The following BICRAL variants were observed in gnomAD, a reference collection of about 807,000 sequenced individuals.
BICRAL encodes BICRA like chromatin remodeling complex associated protein.
BICRAL carries 8 observed loss-of-function variants against 91.8 expected under a neutral mutation model. The ratio of observed to expected loss-of-function variants is 0.09; its 90% confidence interval spans 0.05 to 0.16. The LOEUF (loss-of-function observed/expected upper bound fraction) is 0.16, where lower values mean the gene tolerates loss of function less well. BICRAL is among the 10% of genes least tolerant of loss of function. The probability of loss-of-function intolerance (pLI) is 1.00; values close to 1 mark genes in which losing one functional copy is unlikely to be tolerated. For missense variants in BICRAL, 1,038 were observed against 1,310.9 expected (o/e 0.79, Z 3.21); for synonymous variants, 445 against 491.1 (o/e 0.91, Z 1.24).
intron 1 of BICRAL, among the ~76,000 whole-genome samples, chr6:42,802,206 C>G (rs1222275056): frequency 6.6e-6 from 1 of 151,798 alleles, no homozygotes; most frequent in African/African-American, 2.4e-5. Context: ...CATGTTCATG[C>G]CATCGTACTC....
intron 1 of BICRAL, among the ~76,000 whole-genome samples, chr6:42,757,698 A>T (rs1306957813): frequency 2.0e-5 from 3 of 152,084 alleles, no homozygotes; most frequent in African/African-American, 7.2e-5. Flanking sequence ...GTTAACTCTT[A>T]TGTGGCATTT....
chr6:42,848,039 G>A (rs1243151515), intron 6 of BICRAL, among the ~76,000 whole-genome samples: 8 of 152,048 alleles, frequency 5.3e-5, no homozygotes, highest in African/African-American at 1.7e-4. Context: ...TGAGGCAGGA[G>A]AACGGCGTGA....
intron 1 of BICRAL, among the ~76,000 whole-genome samples, chr6:42,750,492 G>A (rs66839624): frequency 0.12 from 18,803 of 151,948 alleles, 1,230 homozygotes; most frequent in Admixed American, 0.16. Flanking sequence ...CCACATTGCC[G>A]TCACCACACT....
chr6:42,846,391 T>TTAAATAAA (rs71547817), intron 6 of BICRAL, among the ~76,000 whole-genome samples: 10,686 of 150,926 alleles, frequency 0.071, 666 homozygotes, highest in African/African-American at 0.17. Context: ...AAACAATAAG[T>TTAAATAAA]TAAATAAATA....
At chr6:42,770,555 C>T (rs567372504) in intron 1 of BICRAL, among the ~76,000 whole-genome samples, 1 of 151,982 alleles carries the variant, frequency 6.6e-6, no homozygotes, top group South Asian at 2.1e-4. Flanking sequence ...GCTGGGATTA[C>T]AGGCACCTGC....
At chr6:42,860,651 C>G (rs1209689609) in intron 11 of BICRAL, among the ~76,000 whole-genome samples, 1 of 152,148 alleles carries the variant, frequency 6.6e-6, no homozygotes, top group Non-Finnish European at 1.5e-5. Flanking sequence ...TAGCAGAGCT[C>G]GGATACGAGC....
At chr6:42,860,004 G>A (rs536776540) in intron 10 of BICRAL, among the ~76,000 whole-genome samples, 1 of 152,118 alleles carries the variant, frequency 6.6e-6, no homozygotes, top group Non-Finnish European at 1.5e-5. Context: ...TGATATCAAA[G>A]TAATTATGTT....
At chr6:42,767,162 AAGAG>A (rs1265739977) in intron 1 of BICRAL, among the ~76,000 whole-genome samples, 2 of 152,174 alleles carry the variant, frequency 1.3e-5, no homozygotes, top group Non-Finnish European at 2.9e-5. Context: ...CAAAGAAAGA[AAGAG>A]AAAGAAAAGA....
intron 1 of BICRAL, among the ~76,000 whole-genome samples, chr6:42,783,809 C>G (rs901923566): frequency 6.6e-6 from 1 of 152,230 alleles, no homozygotes; most frequent in East Asian, 1.9e-4. Flanking sequence ...ACCCCCACTC[C>G]TCCCAGTCGA....
intron 7 of BICRAL, among the ~76,000 whole-genome samples, chr6:42,853,064 CAAA>C (rs35328845): frequency 1.4e-4 from 14 of 97,702 alleles, no homozygotes; most frequent in Admixed American, 2.3e-4. Flanking sequence ...GACCTTGTCT[CAAA>C]AAAAAAAAAA....
chr6:42,790,026 G>A (rs1763222170), intron 1 of BICRAL, among the ~76,000 whole-genome samples: 1 of 114,522 alleles, frequency 8.7e-6, no homozygotes, highest in South Asian at 3.1e-4. Context: ...CACTAGTAGA[G>A]GGATCTGTGA....
chr6:42,752,593 C>T (rs1209302778), intron 1 of BICRAL, among the ~76,000 whole-genome samples: 1 of 151,862 alleles, frequency 6.6e-6, no homozygotes, highest in Non-Finnish European at 1.5e-5. Context: ...ACTACAGATG[C>T]ATGCCACCGT....
At chr6:42,783,256 C>T (rs914344249) in intron 1 of BICRAL, among the ~76,000 whole-genome samples, 4 of 151,888 alleles carry the variant, frequency 2.6e-5, no homozygotes, top group African/African-American at 9.7e-5. Flanking sequence ...CCGGCCGAGC[C>T]CCCAGCCGCG....
intron 1 of BICRAL, among the ~76,000 whole-genome samples, chr6:42,801,831 C>T (rs968824249): frequency 6.6e-6 from 1 of 151,774 alleles, no homozygotes; most frequent in Non-Finnish European, 1.5e-5. Flanking sequence ...TGCAGTGAGC[C>T]GAGATCACGC....
chr6:42,774,159 G>A (rs1292553468), intron 1 of BICRAL, among the ~76,000 whole-genome samples: 1 of 152,174 alleles, frequency 6.6e-6, no homozygotes, highest in Non-Finnish European at 1.5e-5. Flanking sequence ...GGACTGAAAA[G>A]ATAGGGGTTT....
chr6:42,784,781 A>G (rs1353552726), intron 1 of BICRAL, among the ~76,000 whole-genome samples: 1 of 152,186 alleles, frequency 6.6e-6, no homozygotes, highest in African/African-American at 2.4e-5. Flanking sequence ...TTGTAACATC[A>G]CCTCTTCCAC....
At chr6:42,845,248 T>TTTTA (rs761742281) in intron 6 of BICRAL, among the ~76,000 whole-genome samples, 14 of 105,456 alleles carry the variant, frequency 1.3e-4, no homozygotes, top group Admixed American at 2.3e-4. Flanking sequence ...TTTTTTTTTT[T>TTTTA]AGACAGAGTT....
chr6:42,867,293 T>G lies in BICRAL; in HGVS notation c.*1847T>G, dbSNP rs1273845411. On this transcript the variant is annotated 3_prime_UTR_variant, in exon 13 of 13. Coordinates refer to ENST00000314073, the MANE Select transcript of BICRAL (RefSeq NM_001393499.1). ...CCAGTCTTCATAATAGCAACGTACC[T>G]TCACCCCAGCCACATGCCCCAGCCA... 1.9e-5 allele frequency: 3 copies of G among 154,612 alleles called. No individual in the cohort carries two copies. The highest frequency in any genetic ancestry group is 7.2e-5 in the African/African-American group (3 of 41,472). 9.6% of individuals were successfully genotyped at this position (154,612 alleles called of 1,614,324 possible).
upstream of BICRAL, among the ~76,000 whole-genome samples, chr6:42,778,495 G>C (rs1762833598): frequency 6.6e-6 from 1 of 152,164 alleles, no homozygotes; most frequent in Non-Finnish European, 1.5e-5. Context: ...CATAGTGCCT[G>C]GTGGCACTTA....
Sources: gnomAD v4.1 joint callset for allele counts (sites outside exome capture counted in the v4.1 genomes callset) on GRCh38, gnomAD v4.1.1 for gene constraint, MANE v1.5 for transcripts, NCBI Gene and HGNC (gene_info 2026-07-23, HGNC 2026-07-21) for gene names.